Variants in ARID2 observed in about 807,000 individuals in gnomAD.
The protein encoded by ARID2 is AT-rich interaction domain 2.
ARID2 carries 32 observed loss-of-function variants against 184.6 expected under a neutral mutation model. The ratio of observed to expected loss-of-function variants is 0.17; its 90% CI spans 0.13 to 0.23. The LOEUF is 0.23. Ranked by LOEUF, ARID2 falls within the 10% of genes least tolerant of loss-of-function variation. The pLI, the probability that ARID2 is intolerant of heterozygous loss-of-function variation, is 1.00. For missense variants in ARID2, 1,696 were observed against 2,197.6 expected (o/e 0.77, Z 4.56); for synonymous variants, 836 against 772.6 (o/e 1.08, Z -1.36).
chr12:45,827,600 T>G (rs1943026806), intron 6 of ARID2, among the ~76,000 whole-genome samples: 1 of 151,998 alleles, frequency 6.6e-6, no homozygotes, highest in Non-Finnish European at 1.5e-5. Flanking sequence ...CAAGACAATG[T>G]GATAGAGAGT....
intron 16 of ARID2, among the ~76,000 whole-genome samples, chr12:45,885,728 T>C (rs1485362860): frequency 6.6e-6 from 1 of 152,142 alleles, no homozygotes; most frequent in East Asian, 1.9e-4. Context: ...AACATGTCCT[T>C]CTTCACATGG....
At chr12:45,897,406 T>G (rs946179642) in intron 20 of ARID2, among the ~76,000 whole-genome samples, 2 of 152,130 alleles carry the variant, frequency 1.3e-5, no homozygotes, top group Non-Finnish European at 2.9e-5. Flanking sequence ...TCGTCAAAAT[T>G]TGAAGCTTGT....
intron 3 of ARID2, among the ~76,000 whole-genome samples, chr12:45,800,727 AT>A (rs1481328270): frequency 1.3e-5 from 2 of 152,098 alleles, no homozygotes; most frequent in African/African-American, 4.8e-5. Flanking sequence ...GGAATATCTT[AT>A]TGTGCTATAA....
At chr12:45,777,442 C>A (rs941762124) in intron 3 of ARID2, among the ~76,000 whole-genome samples, 1 of 152,050 alleles carries the variant, frequency 6.6e-6, no homozygotes, top group African/African-American at 2.4e-5. Flanking sequence ...ATAGAAGATA[C>A]AATCACATTA....
chr12:45,875,557 C>T (rs2138210109), intron 16 of ARID2, among the ~76,000 whole-genome samples: 1 of 152,328 alleles, frequency 6.6e-6, no homozygotes. Flanking sequence ...TATGAAAGTC[C>T]TAGACCTAGA....
rs574087309 is a variant in ARID2 at position 45,763,660 on chromosome 12, T to A, written c.284+32346T>A. Among the ~76,000 whole-genome samples, 806 of 132,634 alleles carry A rather than the reference T, an allele frequency of 6.1e-3. 7 individuals are homozygous for A. The highest frequency in any genetic ancestry group is 0.026 in the African/African-American group (708 of 27,042). 87.0% of individuals were successfully genotyped at this position (132,634 alleles called of 152,430 possible). A position where few individuals can be genotyped will look rare whatever the true frequency, so the allele number is the denominator to read the frequency against. ...ACTACAAAAAAAAAAAAATTTTTTT[T>A]AAAATTTTTTTGTAGACACAGGGCT... On this transcript the variant is annotated intron_variant, in intron 3 of 20. Coordinates refer to ENST00000334344, the MANE Select transcript of ARID2 (RefSeq NM_152641.4).
chr12:45,893,918 A>C, intron 20 of ARID2, 197 bp downstream of exon 20: 1 of 425,552 alleles, frequency 2.3e-6, no homozygotes, highest in East Asian at 3.9e-5. Context: ...AACAACCAAA[A>C]GGTGGTCTCT....
chr12:45,772,959 A>G (rs1941905026), intron 3 of ARID2, among the ~76,000 whole-genome samples: 1 of 152,174 alleles, frequency 6.6e-6, no homozygotes, highest in Non-Finnish European at 1.5e-5. Flanking sequence ...CAGAATATGG[A>G]TTTTTCTGTA....
At chr12:45,763,753 A>T (rs945250659) in intron 3 of ARID2, among the ~76,000 whole-genome samples, 1 of 152,242 alleles carries the variant, frequency 6.6e-6, no homozygotes, top group East Asian at 1.9e-4. Flanking sequence ...GGCCTCCCAA[A>T]ATGTTGGGAT....
At chr12:45,858,562 C>T (rs1943691899) in intron 15 of ARID2, among the ~76,000 whole-genome samples, 1 of 152,090 alleles carries the variant, frequency 6.6e-6, no homozygotes, top group African/African-American at 2.4e-5. Flanking sequence ...CAAACTAAAC[C>T]GATCATCTTT....
At chr12:45,772,477 A>G (rs1941896286) in intron 3 of ARID2, among the ~76,000 whole-genome samples, 1 of 152,244 alleles carries the variant, frequency 6.6e-6, no homozygotes, top group South Asian at 2.1e-4. Flanking sequence ...TAAAAAATAC[A>G]GAACTCAACT....
chr12:45,857,876 C>T (rs940211054), intron 15 of ARID2, among the ~76,000 whole-genome samples: 1 of 152,114 alleles, frequency 6.6e-6, no homozygotes, highest in African/African-American at 2.4e-5. Context: ...CCTCCTTCTT[C>T]AGCCTCCCGA....
intron 3 of ARID2, among the ~76,000 whole-genome samples, chr12:45,734,505 G>A (rs1332950682): frequency 6.6e-6 from 1 of 151,490 alleles, no homozygotes; most frequent in Non-Finnish European, 1.5e-5. Context: ...TTTATTATTA[G>A]GATATTCCTA....
chr12:45,805,125 G>A (rs573115389), intron 3 of ARID2, among the ~76,000 whole-genome samples: 1 of 152,018 alleles, frequency 6.6e-6, no homozygotes, highest in South Asian at 2.1e-4. Flanking sequence ...ATTTTAGGGT[G>A]TATGCCTCAG....
Position 45,899,593 on chromosome 12 carries a change from G to A in ARID2, c.5364-5341G>A, listed in dbSNP as rs534565348. Among the ~76,000 whole-genome samples, 50 of 147,944 alleles carry A rather than the reference G, an allele frequency of 3.4e-4. No individual in the cohort carries two copies. In the South Asian group the frequency reaches 4.2e-3, roughly 12 times the overall value. ...TGCACTCCAGCCTGGGCGACAGAGCGAGATTCCATCTCAAAATATATATAT... is the reference window on the plus strand; with the variant it reads ...TGCACTCCAGCCTGGGCGACAGAGCAAGATTCCATCTCAAAATATATATAT... On this transcript the variant is annotated intron_variant, in intron 20 of 20. Transcript: ENST00000334344.
At chr12:45,896,189 A>G (rs946421737) in intron 20 of ARID2, among the ~76,000 whole-genome samples, 1 of 152,226 alleles carries the variant, frequency 6.6e-6, no homozygotes, top group African/African-American at 2.4e-5. Flanking sequence ...CAATGTGCCT[A>G]AAACCCAAAG....
chr12:45,774,694 G>A lies in ARID2; in HGVS notation c.285-36724G>A, dbSNP rs1941942164. Among the ~76,000 whole-genome samples the A allele has an allele frequency of 2.6e-5, 4 of 152,118 alleles. No homozygotes were observed. The South Asian group carries it at 8.3e-4, about 32-fold the overall frequency. ...TAAACGTTTTTGTTAACTATTACAG[G>A]AAGTGAGTTCAGACTCCTGTTACTG... On this transcript the variant is annotated intron_variant, in intron 3 of 20. Coordinates refer to ENST00000334344, the MANE Select transcript of ARID2 (RefSeq NM_152641.4).
intron 6 of ARID2, among the ~76,000 whole-genome samples, chr12:45,835,116 C>G (rs1413862731): frequency 6.6e-6 from 1 of 152,126 alleles, no homozygotes. Flanking sequence ...CATAAATTCA[C>G]TCTTGGGTTG....
intron 3 of ARID2, among the ~76,000 whole-genome samples, chr12:45,766,107 C>G (rs1206970197): frequency 1.3e-5 from 2 of 151,842 alleles, no homozygotes; most frequent in Non-Finnish European, 2.9e-5. Context: ...TTGGTTGTTA[C>G]AAATAAGACC....
Sources: gnomAD v4.1 joint callset for allele counts (sites outside exome capture counted in the v4.1 genomes callset) on GRCh38, gnomAD v4.1.1 for gene constraint, MANE v1.5 for transcripts, NCBI Gene and HGNC (gene_info 2026-07-23, HGNC 2026-07-21) for gene names.